SMARCA1: variants seen among roughly 807,000 people sequenced by gnomAD.
SMARCA1 encodes the protein SWI/SNF-related matrix-associated actin-dependent regulator of chromatin subfamily A member 1.
SMARCA1 carries 17 observed loss-of-function variants against 93.6 expected under a neutral mutation model. The observed-to-expected ratio is 0.18, with a 90% confidence interval of 0.12 to 0.27. The LOEUF (loss-of-function observed/expected upper bound fraction) is 0.27, where lower values mean the gene tolerates loss of function less well. SMARCA1 is among the 10% of genes least tolerant of loss of function. The pLI, the probability that SMARCA1 is intolerant of heterozygous loss-of-function variation, is 1.00. For missense variants in SMARCA1, 630 were observed against 819.0 expected (o/e 0.77, Z 2.82); for synonymous variants, 271 against 271.4 (o/e 1.00, Z 0.01).
chrX:129,518,731 C>A (rs1303757535), intron 1 of SMARCA1: 13 of 164,838 alleles, frequency 7.9e-5, no homozygotes, highest in South Asian at 3.1e-4. Flanking sequence ...CTTTCTCATC[C>A]ATTCTTTAAT....
In SMARCA1 at chrX:129,512,001, G is replaced by C; in HGVS notation, c.631-18C>G. 1 of 1,128,354 alleles carries C rather than the reference G, an allele frequency of 8.9e-7. No individual in the cohort carries two copies. The highest frequency in any genetic ancestry group is 1.2e-6 in the Non-Finnish European group (1 of 846,843). 93.0% of individuals were successfully genotyped at this position (1,128,354 alleles called of 1,213,427 possible). A position where few individuals can be genotyped will look rare whatever the true frequency, so the allele number is the denominator to read the frequency against. On this transcript the variant is annotated intron_variant, in intron 5 of 24. Transcript: ENST00000371121. ...CCAAGGCCCTGCATTATCATCACAAGGAAAAAAATCCATGAACATTTTTTC... is the reference window on the plus strand; with the variant it reads ...CCAAGGCCCTGCATTATCATCACAACGAAAAAAATCCATGAACATTTTTTC...
Position 129,523,247 on chromosome X carries a change from C to A in SMARCA1, c.124G>T (p.Ala42Ser). The A allele has an allele frequency of 8.3e-7, 1 of 1,211,232 alleles. No individual in the cohort carries two copies. Among genetic ancestry groups the A allele is most frequent in the South Asian group, 1.8e-5 (1 of 56,999 alleles). ...GTGGCCGCGGTGGCTTCGGTGGCCG[C>A]GGCGGCCGCTCCCTCCTCCTGAGAG... is the stretch of plus-strand genomic sequence containing the variant. ...STSQEEGAAA[A>S]ATEATAATEK... Residue 42 changes from alanine to serine, a missense_variant, in exon 1 of 25, where the codon GCG (alanine) becomes TCG (serine). Physicochemically the swap from Ala to Ser is moderately conservative, Grantham distance 99. This residue lies in a region of SMARCA1 where 103 missense variants were observed against 82.0 expected (regional missense o/e 1.26). Transcript: ENST00000371121.
intron 9 of SMARCA1, among the ~76,000 whole-genome samples, chrX:129,501,437 A>C (rs1377268721): frequency 9.1e-6 from 1 of 109,509 alleles, no homozygotes; most frequent in African/African-American, 3.3e-5. Flanking sequence ...CTGGGACTAC[A>C]GGCGCACGCC....
At chrX:129,482,649 A>T (rs1226859894) in intron 17 of SMARCA1, among the ~76,000 whole-genome samples, 1 of 112,395 alleles carries the variant, frequency 8.9e-6, no homozygotes, top group Non-Finnish European at 1.9e-5. Flanking sequence ...TAAATGCAAG[A>T]TATTATTAAA....
chrX:129,504,752 G>A lies in SMARCA1; in HGVS notation c.1149C>T (p.Leu383=), dbSNP rs775723617. 73 of 1,195,414 alleles carry A rather than the reference G, an allele frequency of 6.1e-5. No homozygotes were observed. The highest frequency in any genetic ancestry group is 6.6e-5 in the Admixed American group (3 of 45,366). Residue 383 remains leucine, a synonymous_variant, in exon 9 of 25, where the codon CTC becomes CTT. Transcript: ENST00000371121. ...DTKNCLGDQK[L]VERLHAVLKP... is the part of the protein sequence containing the mutation. ...TACTTACTGCATGAAGTCTTTCCACGAGTTTTTGATCACCAAGACAATTTT... is the reference window on the plus strand; with the variant it reads ...TACTTACTGCATGAAGTCTTTCCACAAGTTTTTGATCACCAAGACAATTTT...
intron 6 of SMARCA1, among the ~76,000 whole-genome samples, chrX:129,508,357 C>G (rs1473616339): frequency 1.8e-5 from 2 of 111,747 alleles, no homozygotes; most frequent in African/African-American, 6.5e-5. Flanking sequence ...ATTCAATGAC[C>G]TAGAAAAGTT....
intron 9 of SMARCA1, among the ~76,000 whole-genome samples, chrX:129,502,594 A>G (rs1934610078): frequency 8.9e-6 from 1 of 112,009 alleles, no homozygotes; most frequent in Non-Finnish European, 1.9e-5. Flanking sequence ...ATTCAAGAGT[A>G]AACAGGAGAC....
Position 129,465,862 on chromosome X carries a change from C to T in SMARCA1, c.2799G>A (p.Lys933=), listed in dbSNP as rs1236315371. ...ATAGTACTTTGGCATCCAGGGCTTT[C>T]TTGATACTGATCCTTCGTTGAATTC... The part of the protein sequence containing the change: ...EARIQRRISI[K]KALDAKIARY... Residue 933 remains lysine, a synonymous_variant, in exon 22 of 25, where the codon AAG becomes AAA. Coordinates refer to ENST00000371121, the MANE Select transcript of SMARCA1 (RefSeq NM_001282874.2). 8.6e-7 allele frequency: 1 copy of T among 1,163,515 alleles called. No individual in the cohort carries two copies. Among genetic ancestry groups the T allele is most frequent in the African/African-American group, 1.8e-5 (1 of 55,629 alleles).
At position 129,499,691 on chromosome X, in the gene SMARCA1, CT is replaced by C. The variant is rs779252351; in HGVS notation, c.1277+40del. ...CTACAAAGCTAATTTTTAGTAAATT[CT>C]TACACACAAATAAGTTTTAAAGGAA... On this transcript the variant is annotated intron_variant, in intron 10 of 24. Transcript: ENST00000371121. 21 of 754,816 alleles carry C rather than the reference CT, an allele frequency of 2.8e-5. No homozygotes were observed. The Middle Eastern group carries it at 2.4e-3, about 86-fold the overall frequency. 62.2% of individuals were successfully genotyped at this position (754,816 alleles called of 1,213,427 possible). A position where few individuals can be genotyped will look rare whatever the true frequency, so the allele number is the denominator to read the frequency against.
chrX:129,475,380 G>A lies in SMARCA1; in HGVS notation c.2443-4054C>T, dbSNP rs1014920010. On this transcript the variant is annotated intron_variant, in intron 19 of 24. Coordinates refer to ENST00000371121, the MANE Select transcript of SMARCA1 (RefSeq NM_001282874.2). Reference sequence around the variant, plus strand: ...CTAAAAATATAAAAACTAGCCGGGCGTGGTAATGGGTACCTGTAATCCCAG... The same window carrying A: ...CTAAAAATATAAAAACTAGCCGGGCATGGTAATGGGTACCTGTAATCCCAG... Among the ~76,000 whole-genome samples, 4 of 110,231 alleles carry A rather than the reference G, an allele frequency of 3.6e-5. 1 individual carries two copies. The highest frequency in any genetic ancestry group is 2.9e-4 in the Admixed American group (3 of 10,299).
rs1386147076 is a variant in SMARCA1, at chrX:129,465,401, GAA to G, written c.3030+117_3030+118del. 6 of 482,694 alleles carry G rather than the reference GAA, an allele frequency of 1.2e-5. No homozygotes were observed. In the East Asian group the frequency reaches 1.7e-4, roughly 14 times the overall value. 39.8% of individuals were successfully genotyped at this position (482,694 alleles called of 1,213,427 possible). A position where few individuals can be genotyped will look rare whatever the true frequency, so the allele number is the denominator to read the frequency against. The stretch of plus-strand genomic sequence containing the variant: ...GTATACACATACACACAGAGAGAGA[GAA>G]AGAGAGAGCGCCAATGTGTCAAAAT... On this transcript the variant is annotated intron_variant, in intron 23 of 24. Coordinates refer to ENST00000371121, the MANE Select transcript of SMARCA1 (RefSeq NM_001282874.2).
At chrX:129,483,367 A>C (rs1310863596) in intron 17 of SMARCA1, among the ~76,000 whole-genome samples, 1 of 107,335 alleles carries the variant, frequency 9.3e-6, no homozygotes, top group East Asian at 3.0e-4. Context: ...TCTTAATTAC[A>C]AGAAACTTAA....
chrX:129,504,566 A>AC (rs1934718234), intron 9 of SMARCA1, among the ~76,000 whole-genome samples, 168 bp downstream of exon 9: 1 of 97,500 alleles, frequency 1.0e-5, no homozygotes, highest in African/African-American at 4.3e-5. Context: ...AAAAAAAAAA[A>AC]AAAAAAAAAA....
chrX:129,511,169 G>A, intron 6 of SMARCA1, among the ~76,000 whole-genome samples: 1 of 111,359 alleles, frequency 9.0e-6, no homozygotes, highest in Non-Finnish European at 1.9e-5. Flanking sequence ...TAAAATGATT[G>A]TAGCCTACTA....
chrX:129,473,234 G>A (rs774533080), intron 19 of SMARCA1, among the ~76,000 whole-genome samples: 7 of 111,577 alleles, frequency 6.3e-5, no homozygotes, highest in Admixed American at 2.9e-4. Flanking sequence ...TTGCTGAATG[G>A]ACTGAAGTGG....
chrX:129,516,241 G>A (rs1190335639), intron 3 of SMARCA1, 90 bp downstream of exon 3: 6 of 832,090 alleles, frequency 7.2e-6, no homozygotes, highest in Admixed American at 5.9e-5. Context: ...ACAATGAAGA[G>A]CGAAGGGGTG....
intron 15 of SMARCA1, 27 bp downstream of exon 15, chrX:129,490,033 C>A: frequency 9.1e-7 from 1 of 1,094,412 alleles, no homozygotes; most frequent in Non-Finnish European, 1.2e-6. Flanking sequence ...ACAAAAAACA[C>A]CTAATTAAGT....
intron 16 of SMARCA1, among the ~76,000 whole-genome samples, chrX:129,487,769 T>C (rs1451684025): frequency 8.9e-6 from 1 of 112,407 alleles, no homozygotes; most frequent in African/African-American, 3.2e-5. Flanking sequence ...AATTTGTATT[T>C]TGATTTGCAT....
intron 2 of SMARCA1, among the ~76,000 whole-genome samples, chrX:129,517,802 T>C (rs766824485): frequency 9.0e-5 from 10 of 111,374 alleles, no homozygotes; most frequent in Non-Finnish European, 1.7e-4. Context: ...ATTAAATAAT[T>C]AAATGTATTA....
Sources: allele counts gnomAD v4.1 joint callset (sites outside exome capture counted in the v4.1 genomes callset), GRCh38; gene constraint gnomAD v4.1.1; regional missense constraint gnomAD v4.1.1; transcripts MANE v1.5; gene names NCBI Gene and HGNC (gene_info 2026-07-23, HGNC 2026-07-21).